The following PRRC2C variants were observed in gnomAD, a reference collection of about 807,000 sequenced individuals.
PRRC2C encodes the protein proline rich coiled-coil 2C.
Under a neutral mutation model 317.2 loss-of-function variants are expected in PRRC2C, and 72 were observed. The observed-to-expected ratio is 0.23, with a 90% CI of 0.19 to 0.28. The LOEUF is 0.28. PRRC2C is among the 10% of genes least tolerant of loss of function. PRRC2C has a pLI of 1.00. For missense variants in PRRC2C, 3,074 were observed against 3,459.7 expected (o/e 0.89, Z 2.80); for synonymous variants, 1,296 against 1,205.9 (o/e 1.07, Z -1.55).
In PRRC2C at chr1:171,499,347, G is replaced by A. The variant is rs551963807; in HGVS notation, c.-57-12685G>A. ...TCATTTTGAGTTTGAAGTTCCAACAGGAAATGTAAGTGATGTTTTGTAGAT... is the reference window on the plus strand; with the variant it reads ...TCATTTTGAGTTTGAAGTTCCAACAAGAAATGTAAGTGATGTTTTGTAGAT... On this transcript the variant is annotated intron_variant, in intron 1 of 34. Coordinates refer to ENST00000647382, the MANE Select transcript of PRRC2C (RefSeq NM_001387844.1). Among the ~76,000 whole-genome samples the A allele has an allele frequency of 1.5e-4, 23 of 152,296 alleles. 1 individual carries two copies. In the South Asian group the frequency reaches 3.7e-3, roughly 25 times the overall value.
intron 18 of PRRC2C, among the ~76,000 whole-genome samples, chr1:171,556,233 G>T (rs149673746): frequency 6.6e-6 from 1 of 152,374 alleles, no homozygotes; most frequent in African/African-American, 2.4e-5. Context: ...TGCCGAGCCA[G>T]GCGTGGGATA....
chr1:171,509,134 C>T (rs1372802772), intron 1 of PRRC2C, among the ~76,000 whole-genome samples: 1 of 152,238 alleles, frequency 6.6e-6, no homozygotes, highest in African/African-American at 2.4e-5. Context: ...ATCCACCTGC[C>T]TCAGCCCCCC....
chr1:171,588,228 C>A, intron 32 of PRRC2C, 151 bp from the exon 33 acceptor site: 1 of 876,820 alleles, frequency 1.1e-6, no homozygotes, highest in Non-Finnish European at 1.8e-6. Context: ...CCTCCAATGT[C>A]TCTCTTCTAC....
chr1:171,527,759 TAATAAG>T (rs1247741597), intron 10 of PRRC2C, 26 bp from the exon 11 acceptor site: 3 of 1,533,000 alleles, frequency 2.0e-6, no homozygotes, highest in Non-Finnish European at 2.7e-6. Context: ...GTCTCCAAAA[TAATAAG>T]AATAATTCTT....
intron 18 of PRRC2C, among the ~76,000 whole-genome samples, chr1:171,553,927 G>A (rs1304788444): frequency 6.6e-6 from 1 of 152,188 alleles, no homozygotes; most frequent in Non-Finnish European, 1.5e-5. Context: ...GTGATAGTGA[G>A]AAGAATGTAT....
intron 16 of PRRC2C, among the ~76,000 whole-genome samples, chr1:171,544,953 T>C (rs1030163188): frequency 3.9e-5 from 6 of 152,234 alleles, no homozygotes; most frequent in African/African-American, 1.4e-4. Flanking sequence ...TATTAAGAAC[T>C]GTAGGGGATA....
At chr1:171,544,651 A>T (rs749633299) in intron 16 of PRRC2C, among the ~76,000 whole-genome samples, 9 of 152,234 alleles carry the variant, frequency 5.9e-5, no homozygotes, top group Non-Finnish European at 1.3e-4. Flanking sequence ...TGCCATGTAA[A>T]TCTCAACTAT....
At chr1:171,585,504 T>C (rs913584610) in intron 30 of PRRC2C, among the ~76,000 whole-genome samples, 2 of 152,154 alleles carry the variant, frequency 1.3e-5, no homozygotes, top group Non-Finnish European at 2.9e-5. Flanking sequence ...TTTTAGGGAG[T>C]GATAATTCAT....
chr1:171,581,559 C>A (rs1648607580), intron 28 of PRRC2C, among the ~76,000 whole-genome samples: 1 of 152,182 alleles, frequency 6.6e-6, no homozygotes, highest in African/African-American at 2.4e-5. Flanking sequence ...TTGGCTACCA[C>A]ATTGGAAAGT....
chr1:171,522,667 G>A (rs970563120), intron 7 of PRRC2C: 2 of 154,406 alleles, frequency 1.3e-5, no homozygotes, highest in Non-Finnish European at 2.9e-5. Context: ...CCAGCTACTC[G>A]GGAGGCTGAG....
At chr1:171,560,506 G>A (rs1040134684) in intron 19 of PRRC2C, among the ~76,000 whole-genome samples, 1 of 152,176 alleles carries the variant, frequency 6.6e-6, no homozygotes, top group Non-Finnish European at 1.5e-5. Context: ...CTTCATTGTT[G>A]TCTTATTTTA....
Position 171,587,611 on chromosome 1 carries a change from T to C in PRRC2C, c.7969-37T>C, listed in dbSNP as rs1432400216. 7 of 1,417,002 alleles carry C rather than the reference T, an allele frequency of 4.9e-6. No homozygotes were observed. The East Asian group carries it at 1.6e-4, about 33-fold the overall frequency. 87.8% of individuals were successfully genotyped at this position (1,417,002 alleles called of 1,614,324 possible). On this transcript the variant is annotated intron_variant, in intron 31 of 34. Coordinates refer to ENST00000647382, the MANE Select transcript of PRRC2C (RefSeq NM_001387844.1). ...AAACACAGCACTTAGCTTGTGGAAT[T>C]AAAGAAATGTTAAGTTTATTTTATG...
At position 171,532,967 on chromosome 1, in the gene PRRC2C, A is replaced by G; in HGVS notation, c.1873+6A>G. ...TGAAAACAGCTGTAATAAAGGTTTG[A>G]TAGTATTCTTCATTCTCTTTTAAAA... On this transcript the variant is annotated splice_donor_region_variant and intron_variant, in intron 12 of 34. Transcript: ENST00000647382. The G allele has an allele frequency of 6.5e-7, 1 of 1,533,630 alleles. No homozygotes were observed. Among genetic ancestry groups the G allele is most frequent in the Admixed American group, 2.5e-5 (1 of 40,814 alleles).
intron 1 of PRRC2C, among the ~76,000 whole-genome samples, chr1:171,486,160 G>T (rs1319738840): frequency 7.3e-6 from 1 of 136,066 alleles, no homozygotes; most frequent in Admixed American, 8.1e-5. Context: ...CCAAACAACT[G>T]AAGGACTCAG....
chr1:171,516,128 A>G (rs111430364), intron 5 of PRRC2C, among the ~76,000 whole-genome samples: 1 of 152,208 alleles, frequency 6.6e-6, no homozygotes, highest in Non-Finnish European at 1.5e-5. Flanking sequence ...ACTTTCATGT[A>G]TACCAATATT....
chr1:171,543,419 A>G (rs145168313), intron 16 of PRRC2C, among the ~76,000 whole-genome samples: 18 of 152,224 alleles, frequency 1.2e-4, no homozygotes, highest in Non-Finnish European at 1.9e-4. Flanking sequence ...CAGAATGCCT[A>G]GGTTCAAATC....
In PRRC2C at chr1:171,535,996, A is replaced by T. The variant is rs183468706; in HGVS notation, c.2044-33A>T. The T allele has an allele frequency of 2.0e-4, 306 of 1,550,862 alleles. 3 individuals carry two copies. The East Asian group carries it at 6.5e-3, about 33-fold the overall frequency. ...TTATGTTAATTTGTCATGTGGAACT[A>T]AACTCTCAAGATATGGGATCTTACT... On this transcript the variant is annotated intron_variant, in intron 13 of 34. Transcript: ENST00000647382.
chr1:171,524,981 G>A lies in PRRC2C; in HGVS notation c.1200+16G>A, dbSNP rs1191134020. ...ATTTAATCAGGTTTGTTGGACTCAT[G>A]GAGATCCTTGTTATTGCAAGGATCT... On this transcript the variant is annotated intron_variant, in intron 10 of 34. Transcript: ENST00000647382. 2.6e-6 allele frequency: 4 copies of A among 1,562,358 alleles called. No individual in the cohort carries two copies. In the African/African-American group the frequency reaches 5.5e-5, roughly 21 times the overall value.
At chr1:171,588,562 G>C (rs1438172190) in intron 33 of PRRC2C, 57 bp downstream of exon 33, 48 of 1,538,002 alleles carry the variant, frequency 3.1e-5, no homozygotes, top group Non-Finnish European at 3.7e-5. Flanking sequence ...TTGCTAATCT[G>C]ATAAATTATT....
Sources: allele counts gnomAD v4.1 joint callset (sites outside exome capture counted in the v4.1 genomes callset), GRCh38; gene constraint gnomAD v4.1.1; transcripts MANE v1.5; gene names NCBI Gene and HGNC (gene_info 2026-07-23, HGNC 2026-07-21).